The following SLC49A4 variants were observed in gnomAD, a reference collection of about 807,000 sequenced individuals.
The protein encoded by SLC49A4 is solute carrier family 49 member 4.
Under a neutral mutation model 50.6 loss-of-function variants are expected in SLC49A4, and 36 were observed. The ratio of observed to expected loss-of-function variants is 0.71; its 90% CI spans 0.55 to 0.94. SLC49A4 has a LOEUF of 0.94. Ranked by LOEUF, SLC49A4 falls within the 40% of genes least tolerant of loss-of-function variation. The pLI, the probability that SLC49A4 is intolerant of heterozygous loss-of-function variation, is 0.00. For missense variants in SLC49A4, 503 were observed against 605.7 expected (o/e 0.83, Z 1.78); for synonymous variants, 248 against 241.2 (o/e 1.03, Z -0.26).
At chr3:122,856,532 G>A (rs138221795) in intron 6 of SLC49A4, among the ~76,000 whole-genome samples, 158 bp downstream of exon 6, 120 of 152,276 alleles carry the variant, frequency 7.9e-4, no homozygotes, top group African/African-American at 2.7e-3. Context: ...ATTCATATGC[G>A]TTATATAGAA....
intron 2 of SLC49A4, among the ~76,000 whole-genome samples, chr3:122,812,233 G>A (rs543132786): frequency 6.6e-6 from 1 of 152,242 alleles, no homozygotes; most frequent in Admixed American, 6.5e-5. Context: ...GGGATTACAG[G>A]TGTGAGCCAC....
intron 7 of SLC49A4, among the ~76,000 whole-genome samples, chr3:122,863,898 C>CT (rs886634146): frequency 5.1e-4 from 76 of 149,184 alleles, no homozygotes; most frequent in African/African-American, 1.0e-3. Flanking sequence ...AAAACTTTGT[C>CT]TTTTTTTTTT....
At chr3:122,870,792 C>T (rs929869222) in intron 7 of SLC49A4, among the ~76,000 whole-genome samples, 36 of 151,026 alleles carry the variant, frequency 2.4e-4, no homozygotes, top group South Asian at 8.4e-4. Flanking sequence ...TTAGCCTGGG[C>T]AACAGAGCAA....
intron 2 of SLC49A4, among the ~76,000 whole-genome samples, chr3:122,818,567 G>C (rs912823566): frequency 3.3e-5 from 5 of 152,122 alleles, no homozygotes; most frequent in African/African-American, 1.2e-4. Context: ...AATGAGGGGA[G>C]GTAGACATCT....
At chr3:122,857,448 A>G (rs935474709) in intron 6 of SLC49A4, among the ~76,000 whole-genome samples, 1 of 152,210 alleles carries the variant, frequency 6.6e-6, no homozygotes, top group African/African-American at 2.4e-5. Flanking sequence ...TACCATGAAG[A>G]GGAGAATCTA....
intron 1 of SLC49A4, 127 bp downstream of exon 1, chr3:122,795,662 G>C (rs1413232060): frequency 1.4e-6 from 2 of 1,414,896 alleles, no homozygotes; most frequent in African/African-American, 1.5e-5. Context: ...ATAGAGTGTT[G>C]CTAGCATTCC....
intron 7 of SLC49A4, among the ~76,000 whole-genome samples, chr3:122,871,046 C>G (rs1937191794): frequency 6.6e-6 from 1 of 152,048 alleles, no homozygotes; most frequent in Admixed American, 6.5e-5. Context: ...AAAATTATGT[C>G]ACATTTTAAA....
intron 8 of SLC49A4, among the ~76,000 whole-genome samples, chr3:122,872,861 A>G (rs899387878): frequency 7.2e-6 from 1 of 138,982 alleles, no homozygotes; most frequent in Non-Finnish European, 1.5e-5. Context: ...GGAGCCCAGT[A>G]TTTGTATTTT....
intron 5 of SLC49A4, among the ~76,000 whole-genome samples, chr3:122,856,033 C>T (rs1263818617): frequency 6.6e-6 from 1 of 152,130 alleles, no homozygotes; most frequent in Non-Finnish European, 1.5e-5. Flanking sequence ...ATCTTCCATC[C>T]TTTTCTTATT....
chr3:122,863,748 A>T (rs1937083390), intron 7 of SLC49A4, among the ~76,000 whole-genome samples: 1 of 152,162 alleles, frequency 6.6e-6, no homozygotes, highest in Non-Finnish European at 1.5e-5. Context: ...GCAAACTTAG[A>T]ATTTCTTTTA....
At chr3:122,827,362 C>T (rs115013034) in intron 3 of SLC49A4, among the ~76,000 whole-genome samples, 5,014 of 152,304 alleles carry the variant, frequency 0.033, 121 homozygotes, top group Middle Eastern at 0.071. Flanking sequence ...TATGTCCTCT[C>T]TAGATATCTT....
In SLC49A4 at chr3:122,795,077, G is replaced by A. The variant is rs949903157; in HGVS notation, c.-116G>A. ...GCAGGCGCACCAGGCGCGGTCCGGA[G>A]GCCGAGGGCGACCACAGCAGCCTCC... is the stretch of plus-strand genomic sequence containing the variant. On this transcript the variant is annotated 5_prime_UTR_variant, in exon 1 of 9. Transcript: ENST00000261038. 9.3e-6 allele frequency: 11 copies of A among 1,183,174 alleles called. No homozygotes were observed. The highest frequency in any genetic ancestry group is 3.3e-5 in the East Asian group (1 of 30,322). The allele number at this position is 1,183,174 out of a possible 1,614,324, so 73.3% of individuals were successfully genotyped here.
At chr3:122,874,434 G>T (rs1261145241) in intron 8 of SLC49A4, among the ~76,000 whole-genome samples, 3 of 152,154 alleles carry the variant, frequency 2.0e-5, no homozygotes, top group Admixed American at 2.0e-4. Flanking sequence ...CACTATTTCT[G>T]CCCATTTCTG....
intron 4 of SLC49A4, among the ~76,000 whole-genome samples, chr3:122,837,538 T>G (rs989772107): frequency 1.3e-5 from 2 of 152,148 alleles, no homozygotes; most frequent in African/African-American, 4.8e-5. Flanking sequence ...ATCCCTTCCT[T>G]ACACCTTATA....
intron 2 of SLC49A4, among the ~76,000 whole-genome samples, chr3:122,815,089 G>A (rs1357457019): frequency 6.6e-6 from 1 of 151,684 alleles, no homozygotes; most frequent in East Asian, 1.9e-4. Context: ...GCAGGTGACT[G>A]CATCTTCTTT....
intron 5 of SLC49A4, among the ~76,000 whole-genome samples, chr3:122,846,780 T>C (rs113681968): frequency 2.6e-5 from 4 of 152,356 alleles, no homozygotes; most frequent in African/African-American, 9.6e-5. Flanking sequence ...TCAGTGTGAA[T>C]TGGATATTTT....
chr3:122,870,004 G>C (rs200065245), intron 7 of SLC49A4, among the ~76,000 whole-genome samples: 2 of 151,994 alleles, frequency 1.3e-5, no homozygotes, highest in African/African-American at 4.8e-5. Context: ...CTTTCAGTGT[G>C]TTATTATATT....
At chr3:122,870,128 TA>T (rs1937178954) in intron 7 of SLC49A4, among the ~76,000 whole-genome samples, 1 of 152,144 alleles carries the variant, frequency 6.6e-6, no homozygotes, top group Non-Finnish European at 1.5e-5. Context: ...CCTTCAGAAA[TA>T]AAAATGTAGA....
At chr3:122,797,896 A>G (rs1936070005) in intron 1 of SLC49A4, among the ~76,000 whole-genome samples, 1 of 152,178 alleles carries the variant, frequency 6.6e-6, no homozygotes, top group African/African-American at 2.4e-5. Flanking sequence ...CTGGAGGATC[A>G]GTTGAGCCCA....
Sources: gnomAD v4.1 joint callset for allele counts (sites outside exome capture counted in the v4.1 genomes callset) on GRCh38, gnomAD v4.1.1 for gene constraint, MANE v1.5 for transcripts, NCBI Gene and HGNC (gene_info 2026-07-23, HGNC 2026-07-21) for gene names.